Variants in VRK2 observed in about 807,000 individuals in gnomAD.
VRK2 encodes serine/threonine-protein kinase VRK2.
In VRK2, 60 loss-of-function variants were observed where a neutral mutation model predicts 57.6. The observed-to-expected ratio is 1.04, with a 90% confidence interval of 0.85 to 1.29. The LOEUF (loss-of-function observed/expected upper bound fraction) is 1.29, where lower values mean the gene tolerates loss of function less well. Ranked by LOEUF, VRK2 falls within the 50% of genes most tolerant of loss-of-function variation. The probability of loss-of-function intolerance (pLI) is 0.00; values close to 1 mark genes in which losing one functional copy is unlikely to be tolerated. For missense variants in VRK2, 705 were observed against 588.1 expected (o/e 1.20, Z -2.06); for synonymous variants, 231 against 199.2 (o/e 1.16, Z -1.35).
At chr2:58,032,421 T>C (rs183078504) in intron 2 of VRK2, among the ~76,000 whole-genome samples, 229 of 152,172 alleles carry the variant, frequency 1.5e-3, no homozygotes, top group African/African-American at 5.1e-3. Context: ...ATAGCATGTG[T>C]CCTTCCGTGG....
chr2:57,950,802 T>C lies in VRK2; in HGVS notation c.-439+42963T>C, dbSNP rs112514625. Among the ~76,000 whole-genome samples, 613 of 152,264 alleles carry C rather than the reference T, an allele frequency of 4.0e-3. 6 individuals carry two copies. The highest frequency in any genetic ancestry group is 0.014 in the Middle Eastern group (4 of 294). On this transcript the variant is annotated intron_variant, in intron 1 of 15. Transcript: ENST00000417641. Reference sequence around the variant, plus strand: ...ACCATTCTAGACGCCATTAAGAACATTGGTGATCTGGCTGGGCATGGTGGC... The same window carrying C: ...ACCATTCTAGACGCCATTAAGAACACTGGTGATCTGGCTGGGCATGGTGGC...
At chr2:58,056,606 T>C (rs1013930983) in intron 2 of VRK2, among the ~76,000 whole-genome samples, 3 of 71,856 alleles carry the variant, frequency 4.2e-5, no homozygotes, top group Admixed American at 3.4e-4. Context: ...GTAACTAGTG[T>C]GGCTACTCAC....
At position 58,012,561 on chromosome 2, in the gene VRK2, G is replaced by C. The variant is rs192612158; in HGVS notation, c.-438-13104G>C. 2.0e-4 allele frequency among the ~76,000 whole-genome samples: 30 copies of C among 152,268 alleles called. No individual in the cohort carries two copies. The East Asian group carries it at 5.0e-3, about 26-fold the overall frequency. The stretch of plus-strand genomic sequence containing the variant: ...ATCTTCAGCCCTCTTCCCCTCTCCA[G>C]AGTTTGGGGGGATAGGGCTGAAAGT... On this transcript the variant is annotated intron_variant, in intron 1 of 15. Transcript: ENST00000417641.
intron 2 of VRK2, among the ~76,000 whole-genome samples, chr2:58,053,520 G>C (rs1240699939): frequency 1.3e-5 from 2 of 151,962 alleles, no homozygotes; most frequent in African/African-American, 4.8e-5. Flanking sequence ...TTACTGATAA[G>C]GAAACATTTA....
intron 1 of VRK2, among the ~76,000 whole-genome samples, chr2:57,960,061 G>A (rs1044725353): frequency 2.7e-5 from 4 of 149,638 alleles, no homozygotes; most frequent in African/African-American, 7.4e-5. Context: ...GTTGTGGGGC[G>A]GGGGGAGGTG....
intron 1 of VRK2, among the ~76,000 whole-genome samples, chr2:57,971,293 G>A (rs1297887380): frequency 6.6e-6 from 1 of 151,988 alleles, no homozygotes; most frequent in East Asian, 1.9e-4. Context: ...CATGTAAAAT[G>A]TTGTATACCA....
intron 1 of VRK2, among the ~76,000 whole-genome samples, chr2:57,949,611 C>T (rs561128103): frequency 6.6e-6 from 1 of 152,262 alleles, no homozygotes; most frequent in South Asian, 2.1e-4. Context: ...CTTCTCTGTT[C>T]CTTGAGACAC....
At chr2:57,970,588 GA>G (rs1025715221) in intron 1 of VRK2, among the ~76,000 whole-genome samples, 21 of 151,712 alleles carry the variant, frequency 1.4e-4, no homozygotes, top group Admixed American at 3.9e-4. Flanking sequence ...GGATATTGGA[GA>G]AAACCTCACA....
chr2:58,051,913 G>A (rs1675800992), intron 2 of VRK2, among the ~76,000 whole-genome samples: 1 of 152,144 alleles, frequency 6.6e-6, no homozygotes, highest in Admixed American at 6.5e-5. Flanking sequence ...GAAAAGAGAA[G>A]GGGAGGAAAA....
intron 7 of VRK2, among the ~76,000 whole-genome samples, chr2:58,107,537 G>A (rs1194644375): frequency 7.9e-5 from 12 of 152,056 alleles, no homozygotes; most frequent in Non-Finnish European, 1.8e-4. Flanking sequence ...AGACTTTAAT[G>A]GACACATTTC....
intron 7 of VRK2, among the ~76,000 whole-genome samples, chr2:58,102,367 G>A (rs1674096483): frequency 6.6e-6 from 1 of 151,040 alleles, no homozygotes; most frequent in Admixed American, 6.6e-5. Context: ...TCACCTTGCT[G>A]GTAAAGACAC....
rs1459175347 is a variant in VRK2 at position 58,137,159 on chromosome 2, T to TATATC, written c.856+1964_856+1965insCATAT. Among the ~76,000 whole-genome samples the TATATC allele has an allele frequency of 2.8e-3, 201 of 71,834 alleles. 3 individuals are homozygous for TATATC. Among genetic ancestry groups the TATATC allele is most frequent in the African/African-American group, 0.01 (188 of 18,412 alleles). 47.1% of individuals were successfully genotyped at this position (71,834 alleles called of 152,430 possible). On this transcript the variant is annotated intron_variant, in intron 10 of 12. Coordinates refer to ENST00000340157, the MANE Select transcript of VRK2 (RefSeq NM_006296.7). ...ATATATCATATATATCATGTGTTTA[T>TATATC]ATATATCATATATCATATATATCAT... is the stretch of plus-strand genomic sequence containing the variant.
intron 1 of VRK2, among the ~76,000 whole-genome samples, chr2:58,022,147 A>G (rs991024666): frequency 4.6e-5 from 7 of 152,176 alleles, no homozygotes; most frequent in African/African-American, 1.4e-4. Flanking sequence ...CAATTATGTG[A>G]TCTCAATCAT....
chr2:58,074,181 A>G (rs1238428046), intron 2 of VRK2, among the ~76,000 whole-genome samples: 1 of 151,972 alleles, frequency 6.6e-6, no homozygotes, highest in African/African-American at 2.4e-5. Context: ...CTGCGTTTTT[A>G]TATTTAAAGT....
chr2:57,967,798 A>G (rs1427785043), intron 1 of VRK2, among the ~76,000 whole-genome samples: 1 of 151,122 alleles, frequency 6.6e-6, no homozygotes, highest in Non-Finnish European at 1.5e-5. Context: ...TATTTGAAGG[A>G]TCAGGACTAA....
intron 2 of VRK2, among the ~76,000 whole-genome samples, chr2:58,032,813 G>A (rs925946802): frequency 6.6e-6 from 1 of 152,080 alleles, no homozygotes; most frequent in Non-Finnish European, 1.5e-5. Context: ...GCATAGTTGA[G>A]ATTCTATGCA....
intron 1 of VRK2, among the ~76,000 whole-genome samples, chr2:57,912,710 G>T (rs538694163): frequency 6.6e-6 from 1 of 152,284 alleles, no homozygotes; most frequent in African/African-American, 2.4e-5. Flanking sequence ...ATAGCTTCTG[G>T]TATGCTGGGA....
At chr2:57,926,811 C>G (rs1000025019) in intron 1 of VRK2, among the ~76,000 whole-genome samples, 1 of 151,086 alleles carries the variant, frequency 6.6e-6, no homozygotes, top group Non-Finnish European at 1.5e-5. Context: ...TCTATCCATT[C>G]AGCCACTCTG....
intron 7 of VRK2, among the ~76,000 whole-genome samples, chr2:58,101,152 T>C (rs1673900787): frequency 2.0e-5 from 3 of 151,848 alleles, no homozygotes; most frequent in African/African-American, 7.2e-5. Context: ...ATTTAAAATA[T>C]TTTGTGAGGC....
Sources: allele counts gnomAD v4.1 joint callset (sites outside exome capture counted in the v4.1 genomes callset), GRCh38; gene constraint gnomAD v4.1.1; transcripts MANE v1.5; gene names NCBI Gene and HGNC (gene_info 2026-07-23, HGNC 2026-07-21).